ABCA4: variants seen among roughly 807,000 people sequenced by gnomAD.
The protein encoded by ABCA4 is retinal-specific phospholipid-transporting ATPase ABCA4.
In ABCA4, 196 loss-of-function variants were observed where a neutral mutation model predicts 263.7. That is an observed-to-expected ratio of 0.74 (90% CI 0.66 to 0.84). The LOEUF (loss-of-function observed/expected upper bound fraction) is 0.84, where lower values mean the gene tolerates loss of function less well. Among genes scored for constraint, ABCA4 ranks in the 40% least tolerant of loss-of-function variants. The pLI, the probability that ABCA4 is intolerant of heterozygous loss-of-function variation, is 0.00. For synonymous variants in ABCA4, 1,133 were observed against 1,094.2 expected, an observed-to-expected ratio of 1.04 and a Z score of -0.70; for missense variants, 2,792 against 2,855.1, an observed-to-expected ratio of 0.98 and a Z score of 0.50.
In ABCA4 at chr1:94,007,804, A is replaced by C; in HGVS notation, c.5899-64T>G. The stretch of plus-strand genomic sequence containing the variant: ...AAGAAGGTCTAAAATGTCAGGCCCC[A>C]GGGTAAGTGTGTGTGTGAGCTGGGG... On this transcript the variant is annotated intron_variant, in intron 42 of 49. Transcript: ENST00000370225. 2.0e-6 allele frequency: 3 copies of C among 1,469,010 alleles called. No homozygotes were observed. In the South Asian group the frequency reaches 3.4e-5, roughly 17 times the overall value. The allele number at this position is 1,469,010 out of a possible 1,614,324, so 91.0% of individuals were successfully genotyped here. A position where few individuals can be genotyped will look rare whatever the true frequency, so the allele number is the denominator to read the frequency against.
chr1:94,043,758 T>A (rs1338742522), intron 20 of ABCA4, among the ~76,000 whole-genome samples: 2 of 132,042 alleles, frequency 1.5e-5, no homozygotes, highest in African/African-American at 2.7e-5. Flanking sequence ...ATCTTATGTT[T>A]AAAAAAGCAA....
chr1:94,014,792 T>C lies in ABCA4; in HGVS notation c.5313-102A>G, dbSNP rs2101014121. ...CTCCCCTTACACCTGAGGTGATGTG[T>C]GTGAACTGGCCAGAGTCCCAGGGGA... On this transcript the variant is annotated intron_variant, in intron 37 of 49. Transcript: ENST00000370225. The C allele has an allele frequency of 2.7e-6, 4 of 1,484,074 alleles. No homozygotes were observed. The East Asian group carries it at 9.0e-5, about 34-fold the overall frequency. 91.9% of individuals were successfully genotyped at this position (1,484,074 alleles called of 1,614,324 possible). A position where few individuals can be genotyped will look rare whatever the true frequency, so the allele number is the denominator to read the frequency against.
chr1:94,096,141 C>G (rs891731557), intron 6 of ABCA4, among the ~76,000 whole-genome samples: 1 of 152,152 alleles, frequency 6.6e-6, no homozygotes, highest in African/African-American at 2.4e-5. Flanking sequence ...GTAAATTAAA[C>G]TCTAGGTCAG....
chr1:94,028,427 T>A (rs1426754943), intron 30 of ABCA4, among the ~76,000 whole-genome samples: 1 of 152,228 alleles, frequency 6.6e-6, no homozygotes, highest in Non-Finnish European at 1.5e-5. Context: ...AAAAGATGGA[T>A]GCTGGCTGTG....
chr1:94,064,484 A>G (rs1661213190), intron 11 of ABCA4, among the ~76,000 whole-genome samples: 1 of 152,208 alleles, frequency 6.6e-6, no homozygotes, highest in Non-Finnish European at 1.5e-5. Context: ...AGGTCAGCTC[A>G]GGCACAGGGA....
chr1:94,078,236 G>A (rs1661591014), intron 10 of ABCA4, among the ~76,000 whole-genome samples: 1 of 152,194 alleles, frequency 6.6e-6, no homozygotes, highest in African/African-American at 2.4e-5. Flanking sequence ...CTGAAAATGA[G>A]ACCAGACAAA....
Position 94,077,773 on chromosome 1 carries a change from C to A in ABCA4, c.1471G>T (p.Ala491Ser). The change falls in exon 11 of 50, where the codon GCT becomes TCT. Residue 491 changes from alanine to serine, a missense_variant. By Grantham distance (99) the Ala-to-Ser change is moderately conservative. Transcript: ENST00000370225. ...FLYKGPRESQ[A>S]DDMANFDWRD... ...CAGTCGAAGTTGGCCATGTCGTCAG[C>A]CTGGCTTTCCCGAGGGCCCTTGTAG... The A allele has an allele frequency of 6.2e-7, 1 of 1,614,166 alleles. No homozygotes were observed. Among genetic ancestry groups the A allele is most frequent in the Non-Finnish European group, 8.5e-7 (1 of 1,180,036 alleles).
At chr1:94,027,096 C>T (rs1660062103) in intron 30 of ABCA4, among the ~76,000 whole-genome samples, 1 of 152,136 alleles carries the variant, frequency 6.6e-6, no homozygotes, top group Non-Finnish European at 1.5e-5. Flanking sequence ...GTGAGAGAGA[C>T]AGAGCGCGCA....
At chr1:94,006,266 C>T (rs543854259) in intron 43 of ABCA4, among the ~76,000 whole-genome samples, 2 of 145,836 alleles carry the variant, frequency 1.4e-5, no homozygotes, top group Admixed American at 1.3e-4. Flanking sequence ...CCCACAATGA[C>T]AAAAGCCACC....
At chr1:94,008,614 A>C in intron 41 of ABCA4, 137 bp downstream of exon 41, 1 of 1,204,450 alleles carries the variant, frequency 8.3e-7, no homozygotes, top group Non-Finnish European at 1.2e-6. Context: ...GTTATAACAC[A>C]GGGATGATGA....
At chr1:94,117,031 T>A (rs954461637) in intron 1 of ABCA4, among the ~76,000 whole-genome samples, 1 of 146,572 alleles carries the variant, frequency 6.8e-6, no homozygotes, top group Non-Finnish European at 1.5e-5. Flanking sequence ...TCTTTCCTTT[T>A]CTTTCTTTCT....
At chr1:94,102,577 G>A (rs1298750162) in intron 5 of ABCA4, among the ~76,000 whole-genome samples, 3 of 152,054 alleles carry the variant, frequency 2.0e-5, no homozygotes, top group Non-Finnish European at 2.9e-5. Flanking sequence ...GTCACACAGC[G>A]GAGTCTCTGC....
At position 93,996,227 on chromosome 1, in the gene ABCA4, A is replaced by T. The variant is rs116314807; in HGVS notation, c.6730-32T>A. On this transcript the variant is annotated intron_variant, in intron 48 of 49. Transcript: ENST00000370225. Reference sequence around the variant, plus strand: ...GTAAGAGAAGAGCGAGATTAGGTAGATATTTCCAGGAAAACAGCACCCTAC... The same window carrying T: ...GTAAGAGAAGAGCGAGATTAGGTAGTTATTTCCAGGAAAACAGCACCCTAC... 1.5e-3 allele frequency: 2,387 copies of T among 1,555,996 alleles called. 40 individuals are homozygous for T. The African/African-American group carries it at 0.029, about 19-fold the overall frequency.
intron 5 of ABCA4, among the ~76,000 whole-genome samples, chr1:94,100,944 C>G (rs1002171930): frequency 6.6e-6 from 1 of 152,202 alleles, no homozygotes; most frequent in Non-Finnish European, 1.5e-5. Flanking sequence ...GACAGGTGAG[C>G]CCACAAGGCA....
chr1:94,029,330 T>G (rs558548884), intron 30 of ABCA4, 115 bp downstream of exon 30: 5 of 1,085,630 alleles, frequency 4.6e-6, no homozygotes, highest in Non-Finnish European at 6.4e-6. Flanking sequence ...TTTAGTCCCC[T>G]ACTCAACTGC....
chr1:94,044,168 C>T lies in ABCA4; in HGVS notation c.3050+445G>A, dbSNP rs911629283. 1.0e-4 allele frequency among the ~76,000 whole-genome samples: 15 copies of T among 144,000 alleles called. No homozygotes were observed. In the East Asian group the frequency reaches 2.1e-3, roughly 20 times the overall value. The allele number at this position is 144,000 out of a possible 152,430, so 94.5% of individuals were successfully genotyped here. A position where few individuals can be genotyped will look rare whatever the true frequency, so the allele number is the denominator to read the frequency against. On this transcript the variant is annotated intron_variant, in intron 20 of 49. Coordinates refer to ENST00000370225, the MANE Select transcript of ABCA4 (RefSeq NM_000350.3). ...TTTTTTTTCTTTCACAATGACTATG[C>T]GTAGCTTCTTAGATAAGAAATAAAA...
At chr1:94,004,171 G>A (rs1057191950) in intron 44 of ABCA4, among the ~76,000 whole-genome samples, 2 of 152,070 alleles carry the variant, frequency 1.3e-5, no homozygotes, top group African/African-American at 2.4e-5. Context: ...GCAAATATAT[G>A]TCTATATATA....
chr1:94,121,111 C>G lies in ABCA4; in HGVS notation c.-66G>C. 4.0e-6 allele frequency: 6 copies of G among 1,499,426 alleles called. No homozygotes were observed. Among genetic ancestry groups the G allele is most frequent in the Non-Finnish European group, 4.6e-6 (5 of 1,075,678 alleles). 92.9% of individuals were successfully genotyped at this position (1,499,426 alleles called of 1,614,324 possible). On this transcript the variant is annotated 5_prime_UTR_variant, in exon 1 of 50. Coordinates refer to ENST00000370225, the MANE Select transcript of ABCA4 (RefSeq NM_000350.3). ...CCCCTCAGACAGCAAAGGACATAAA[C>G]GCCGTTAAGAGCGCCTCTGGCTCCG... is the stretch of plus-strand genomic sequence containing the variant.
intron 4 of ABCA4, 104 bp downstream of exon 4, chr1:94,108,473 C>A: frequency 1.9e-6 from 3 of 1,544,362 alleles, no homozygotes; most frequent in Non-Finnish European, 2.7e-6. Context: ...CCCTTCCTGC[C>A]TCCGCTAGTA....
Sources: gnomAD v4.1 joint callset for allele counts (sites outside exome capture counted in the v4.1 genomes callset) on GRCh38, gnomAD v4.1.1 for gene constraint, MANE v1.5 for transcripts, NCBI Gene and HGNC (gene_info 2026-07-23, HGNC 2026-07-21) for gene names.